Variants in SUGCT observed in about 807,000 individuals in gnomAD.
The protein encoded by SUGCT is succinyl-CoA:glutarate-CoA transferase, also known as succinyl-CoA:glutarate CoA-transferase.
A neutral mutation model predicts 55.0 loss-of-function variants in SUGCT; 41 were observed. That is an observed-to-expected ratio of 0.74 (90% CI 0.58 to 0.97). SUGCT has a LOEUF of 0.97. SUGCT is among the 50% of genes least tolerant of loss of function. The pLI, the probability that SUGCT is intolerant of heterozygous loss-of-function variation, is 0.00. For synonymous variants in SUGCT, 187 were observed against 200.4 expected, an observed-to-expected ratio of 0.93 and a Z score of 0.56; for missense variants, 568 against 547.8, an observed-to-expected ratio of 1.04 and a Z score of -0.37.
intron 12 of SUGCT, among the ~76,000 whole-genome samples, chr7:40,537,834 T>TA (rs1794451693): frequency 6.6e-6 from 1 of 152,210 alleles, no homozygotes; most frequent in Non-Finnish European, 1.5e-5. Flanking sequence ...AGGCTAATCT[T>TA]AGACGATTTA....
chr7:40,532,253 T>C (rs1794138511), intron 12 of SUGCT, among the ~76,000 whole-genome samples: 1 of 152,208 alleles, frequency 6.6e-6, no homozygotes, highest in African/African-American at 2.4e-5. Flanking sequence ...AGTATTTAGT[T>C]TGGAACCATT....
chr7:40,772,417 A>G (rs975571524), intron 13 of SUGCT, among the ~76,000 whole-genome samples: 1 of 152,148 alleles, frequency 6.6e-6, no homozygotes, highest in African/African-American at 2.4e-5. Flanking sequence ...TCTTTAAATA[A>G]CTATGAGATT....
Position 40,173,312 on chromosome 7 carries a change from C to T in SUGCT, c.101-7635C>T, listed in dbSNP as rs191387813. ...TGGGTGCCTCACTGGATCAGAAACA[C>T]AGCGGACACCCTGCCAGATCCGGAG... is the stretch of plus-strand genomic sequence containing the variant. On this transcript the variant is annotated intron_variant, in intron 1 of 13. Transcript: ENST00000335693. Among the ~76,000 whole-genome samples, 1,059 of 152,368 alleles carry T rather than the reference C, an allele frequency of 7.0e-3. 5 individuals are homozygous for T. The highest frequency in any genetic ancestry group is 0.014 in the South Asian group (70 of 4,832).
At chr7:40,864,611 T>C (rs1394821584), downstream of SUGCT, among the ~76,000 whole-genome samples, 1 of 151,934 alleles carries the variant, frequency 6.6e-6, no homozygotes, top group Non-Finnish European at 1.5e-5. Context: ...TATAGGCAAA[T>C]GAATGCAAAT....
At chr7:40,370,038 G>C (rs1328663502) in intron 9 of SUGCT, among the ~76,000 whole-genome samples, 1 of 152,072 alleles carries the variant, frequency 6.6e-6, no homozygotes, top group Non-Finnish European at 1.5e-5. Flanking sequence ...AGAAAAATGA[G>C]ACACTCTGGG....
At chr7:40,243,047 C>T (rs1789568458) in intron 7 of SUGCT, among the ~76,000 whole-genome samples, 2 of 145,490 alleles carry the variant, frequency 1.4e-5, no homozygotes, top group Non-Finnish European at 3.0e-5. Context: ...GTGGTCCTCC[C>T]CACTCAGCCT....
the SUGCT span, among the ~76,000 whole-genome samples, chr7:40,998,682 T>C: frequency 2.0e-5 from 3 of 152,162 alleles, no homozygotes; most frequent in Admixed American, 2.0e-4. Context: ...TGGTGTCTTC[T>C]AGAAAGCCCC....
intron 11 of SUGCT, among the ~76,000 whole-genome samples, chr7:40,493,959 A>T (rs961916712): frequency 5.3e-5 from 8 of 152,134 alleles, no homozygotes; most frequent in African/African-American, 1.9e-4. Flanking sequence ...ACCCTTCCAC[A>T]CCCACACCCA....
chr7:40,550,592 A>G (rs552334377), intron 12 of SUGCT, among the ~76,000 whole-genome samples: 2 of 152,370 alleles, frequency 1.3e-5, no homozygotes, highest in South Asian at 4.1e-4. Context: ...TCTGAGACTT[A>G]TAACCAAAAG....
chr7:40,201,851 G>A (rs1479292642), intron 6 of SUGCT, among the ~76,000 whole-genome samples: 1 of 152,114 alleles, frequency 6.6e-6, no homozygotes, highest in African/African-American at 2.4e-5. Flanking sequence ...GGACTTACTG[G>A]AGTACCACCA....
intron 13 of SUGCT, among the ~76,000 whole-genome samples, chr7:40,802,037 A>C (rs1790845606): frequency 6.7e-6 from 1 of 149,642 alleles, no homozygotes; most frequent in Admixed American, 6.7e-5. Flanking sequence ...CTATGATGTG[A>C]ATTTAAAGAA....
intron 1 of SUGCT, chr7:40,152,889 T>C (rs1459032914): frequency 6.4e-6 from 1 of 155,066 alleles, no homozygotes; most frequent in East Asian, 1.9e-4. Context: ...GTGTTTTTAG[T>C]AGAGACAGGG....
chr7:40,787,844 GC>G (rs1371587184), intron 13 of SUGCT, among the ~76,000 whole-genome samples: 1 of 152,068 alleles, frequency 6.6e-6, no homozygotes, highest in Non-Finnish European at 1.5e-5. Flanking sequence ...AAAGTGAGAA[GC>G]CTAGACTTAC....
At chr7:40,492,895 C>T (rs963376869) in intron 11 of SUGCT, among the ~76,000 whole-genome samples, 9 of 152,096 alleles carry the variant, frequency 5.9e-5, no homozygotes, top group African/African-American at 1.4e-4. Context: ...AACACAGGGA[C>T]GGTCTTTTTT....
At chr7:40,505,477 A>G (rs1209660917) in intron 12 of SUGCT, among the ~76,000 whole-genome samples, 1 of 152,034 alleles carries the variant, frequency 6.6e-6, no homozygotes, top group Non-Finnish European at 1.5e-5. Context: ...GGTATTTTCT[A>G]GCATACAATT....
intron 12 of SUGCT, among the ~76,000 whole-genome samples, chr7:40,531,208 T>C (rs1305852360): frequency 6.6e-6 from 1 of 152,158 alleles, no homozygotes; most frequent in Admixed American, 6.5e-5. Context: ...TGCCTAGATA[T>C]AAAGGCTGAA....
the SUGCT span, among the ~76,000 whole-genome samples, chr7:41,008,558 G>A: frequency 6.6e-6 from 1 of 152,176 alleles, no homozygotes; most frequent in South Asian, 2.1e-4. Flanking sequence ...TTCCTAGACT[G>A]AAAGCAGGCC....
chr7:40,709,911 C>T (rs553494107), intron 12 of SUGCT, among the ~76,000 whole-genome samples: 1 of 152,292 alleles, frequency 6.6e-6, no homozygotes, highest in South Asian at 2.1e-4. Flanking sequence ...GGTGCTGCTG[C>T]TGCTAGTCAG....
chr7:40,661,884 C>G (rs1801346010), intron 12 of SUGCT, among the ~76,000 whole-genome samples: 1 of 152,150 alleles, frequency 6.6e-6, no homozygotes, highest in Non-Finnish European at 1.5e-5. Context: ...TCCTGATGAC[C>G]TCATCCAGTT....
Sources: gnomAD v4.1 joint callset for allele counts (sites outside exome capture counted in the v4.1 genomes callset) on GRCh38, gnomAD v4.1.1 for gene constraint, MANE v1.5 for transcripts, NCBI Gene and HGNC (gene_info 2026-07-23, HGNC 2026-07-21) for gene names.